The following MBD1 variants were observed in gnomAD, a reference collection of about 807,000 sequenced individuals.
MBD1 encodes methyl-CpG-binding domain protein 1.
Under a neutral mutation model 82.6 loss-of-function variants are expected in MBD1, and 25 were observed. The observed-to-expected ratio is 0.30, with a 90% CI of 0.22 to 0.42. The LOEUF (loss-of-function observed/expected upper bound fraction) is 0.42. MBD1 is among the 10% of genes least tolerant of loss of function. The probability of loss-of-function intolerance (pLI) is 1.00; values close to 1 mark genes in which losing one functional copy is unlikely to be tolerated. For synonymous variants in MBD1, 301 were observed against 303.7 expected (o/e 0.99, Z 0.09); for missense variants, 627 against 819.6 (o/e 0.76, Z 2.87).
rs1261505801 is a variant in MBD1, at chr18:50,275,117, C to A, written c.909+12G>T. ...CAGGGTTGTGCCTTCCCTCCACCCA[C>A]TGGGGCCTCACCGGCTCTGTGGGCT... On this transcript the variant is annotated intron_variant, in intron 9 of 16. Transcript: ENST00000269468. 8 of 1,613,750 alleles carry A rather than the reference C, an allele frequency of 5.0e-6. No homozygotes were observed. Among genetic ancestry groups the A allele is most frequent in the Non-Finnish European group, 5.9e-6 (7 of 1,179,654 alleles).
intron 13 of MBD1, 116 bp downstream of exon 13, chr18:50,273,218 A>G (rs2036358747): frequency 1.7e-5 from 24 of 1,451,280 alleles, no homozygotes; most frequent in Middle Eastern, 2.3e-4. Context: ...ATTCTGCAGA[A>G]ACGTCGCAAT....
rs1281948381 is a variant in MBD1, at chr18:50,278,316, A to G, written c.111-1112T>C. On this transcript the variant is annotated intron_variant, in intron 2 of 16. Coordinates refer to ENST00000269468, the MANE Select transcript of MBD1 (RefSeq NM_015846.4). Reference sequence around the variant, plus strand: ...ACTGTAGGTAACTAAAGCTGTGGAAAATGAAATTGCAGATAAGGGGGAGAC... The same window carrying G: ...ACTGTAGGTAACTAAAGCTGTGGAAGATGAAATTGCAGATAAGGGGGAGAC... 2.0e-5 allele frequency among the ~76,000 whole-genome samples: 3 copies of G among 152,210 alleles called. No individual in the cohort carries two copies. The East Asian group carries it at 5.8e-4, about 29-fold the overall frequency.
chr18:50,273,201 CG>C, intron 13 of MBD1, 132 bp downstream of exon 13: 1 of 1,360,550 alleles, frequency 7.3e-7, no homozygotes, highest in Non-Finnish European at 1.0e-6. Flanking sequence ...GTTAGACAGG[CG>C]GGGTAATTCT....
At chr18:50,271,032 A>G in intron 16 of MBD1, 1 of 1,013,008 alleles carries the variant, frequency 9.9e-7, no homozygotes, top group Non-Finnish European at 1.2e-6. Context: ...CCACAGAGGA[A>G]CACACCAAAT....
rs1031221970 is a variant in MBD1 at position 50,279,977 on chromosome 18, G to A, written c.16C>T (p.Leu6=). Residue 6 remains leucine (L), a synonymous_variant, in exon 2 of 17, where the codon CTG becomes TTG. Transcript: ENST00000269468. ...CCAGGGCCCAGGGCCGGGCAGTCCA[G>A]CCAGTCCTCAGCCATGGAGGCCACA... The part of the protein sequence containing the change: MAEDW[L]DCPALGPGWK... The A allele has an allele frequency of 1.2e-6, 2 of 1,610,210 alleles. No individual in the cohort carries two copies. Among genetic ancestry groups the A allele is most frequent in the Admixed American group, 3.3e-5 (2 of 60,022 alleles).
chr18:50,278,530 T>C (rs2038960057), intron 2 of MBD1, among the ~76,000 whole-genome samples: 1 of 152,224 alleles, frequency 6.6e-6, no homozygotes, highest in Non-Finnish European at 1.5e-5. Flanking sequence ...TTTATACAAG[T>C]ACATAAATAT....
At chr18:50,268,643 G>A (rs867708199), downstream of MBD1, among the ~76,000 whole-genome samples, 1 of 152,246 alleles carries the variant, frequency 6.6e-6, no homozygotes, top group South Asian at 2.1e-4. Context: ...CCAGCAGGTT[G>A]AAGGTGTCCG....
downstream of MBD1, chr18:50,268,773 T>G: frequency 3.2e-6 from 1 of 316,274 alleles, no homozygotes; most frequent in South Asian, 1.3e-4. Context: ...TCCCACCCAC[T>G]ATCCCAGTTT....
At chr18:50,279,025 T>C (rs1395766664) in intron 2 of MBD1, among the ~76,000 whole-genome samples, 1 of 152,216 alleles carries the variant, frequency 6.6e-6, no homozygotes, top group Non-Finnish European at 1.5e-5. Flanking sequence ...ACTTAACAGG[T>C]ATTTTTAAAA....
intron 2 of MBD1, among the ~76,000 whole-genome samples, chr18:50,277,515 G>GTT (rs1329890256): frequency 3.3e-5 from 5 of 151,220 alleles, no homozygotes; most frequent in East Asian, 1.9e-4. Flanking sequence ...TTATATTTGT[G>GTT]TTATATATAT....
In MBD1 at chr18:50,279,825, A is replaced by C. The variant is rs528137535; in HGVS notation, c.110+58T>G. ...TCCATAAATTTAACCACACCATTTG[A>C]TTTTACCAGAATCAGGCTCTACCCC... On this transcript the variant is annotated intron_variant, in intron 2 of 16. Transcript: ENST00000269468. 11 of 1,610,598 alleles carry C rather than the reference A, an allele frequency of 6.8e-6. No homozygotes were observed. The African/African-American group carries it at 1.3e-4, about 20-fold the overall frequency.
Position 50,273,849 on chromosome 18 carries a change from G to A in MBD1, c.1161C>T (p.Pro387=), listed in dbSNP as rs148994088. ...CLQFAMKRLL[P]SVWSESEDGA... ...CATCCTCAGACTCTGACCAGACACT[G>A]GGCAGCAGCCGCTTCTATGGGGAAA... The change falls in exon 12 of 17, where the codon CCC becomes CCT. Residue 387 remains proline (P), a synonymous_variant. Coordinates refer to ENST00000269468, the MANE Select transcript of MBD1 (RefSeq NM_015846.4). The A allele has an allele frequency of 6.2e-7, 1 of 1,612,984 alleles. No homozygotes were observed. The highest frequency in any genetic ancestry group is 1.1e-5 in the South Asian group (1 of 91,086).
intron 16 of MBD1, chr18:50,271,133 G>A: frequency 1.7e-6 from 2 of 1,149,370 alleles, no homozygotes; most frequent in Non-Finnish European, 2.2e-6. Context: ...TCATCCAGAA[G>A]CCACTTACAA....
Position 50,272,936 on chromosome 18 carries a change from G to A in MBD1, c.1604C>T (p.Pro535Leu), listed in dbSNP as rs183403566. Residue 535 changes from proline (P) to leucine (L), a missense_variant, in exon 14 of 17, where the codon CCT becomes CTT. By Grantham distance (98) the Pro-to-Leu change is moderately conservative (BLOSUM62 -3). Around this residue, in one of 6 missense-constraint regions of MBD1, gnomAD observed 265 missense variants for 278.4 expected, o/e 0.95. Coordinates refer to ENST00000269468, the MANE Select transcript of MBD1 (RefSeq NM_015846.4). ...GTCAGGTGGCTCTTGCTTCACAGAAGGCAGGCCTGGGTCTACTGCCTGGGA... is the reference window on the plus strand; with the variant it reads ...GTCAGGTGGCTCTTGCTTCACAGAAAGCAGGCCTGGGTCTACTGCCTGGGA... ...CPSKAVDPGL[P>L]SVKQEPPDPE... 2.7e-5 allele frequency: 43 copies of A among 1,614,198 alleles called. No homozygotes were observed. The Admixed American group carries it at 5.0e-4, about 19-fold the overall frequency.
intron 8 of MBD1, 73 bp downstream of exon 8, chr18:50,275,527 C>G (rs1035667171): frequency 8.1e-6 from 13 of 1,611,994 alleles, no homozygotes; most frequent in Non-Finnish European, 1.7e-6. Flanking sequence ...TAGGCAAGGC[C>G]AGGTTGAAAG....
chr18:50,267,501 T>G (rs561689409), downstream of MBD1: 7 of 842,212 alleles, frequency 8.3e-6, no homozygotes, highest in Admixed American at 1.4e-4. Context: ...AGTCTGAGGG[T>G]CACAGTGGAC....
At chr18:50,272,386 G>GAA (rs1332934023) in intron 15 of MBD1, 3 of 463,586 alleles carry the variant, frequency 6.5e-6, no homozygotes, top group Non-Finnish European at 1.2e-5. Context: ...AATTCCTTAG[G>GAA]AAAATAGGGA....
chr18:50,281,614 G>A, upstream of MBD1: 2 of 453,916 alleles, frequency 4.4e-6, no homozygotes, highest in Non-Finnish European at 3.9e-6. Flanking sequence ...CCTTAATAGG[G>A]AGGCTCCCGC....
chr18:50,279,322 A>G (rs548037061), intron 2 of MBD1, among the ~76,000 whole-genome samples: 2 of 152,320 alleles, frequency 1.3e-5, no homozygotes, highest in South Asian at 4.1e-4. Context: ...TTGTGCACAT[A>G]TTGGCAAATT....
Sources: gnomAD v4.1 joint callset for allele counts (sites outside exome capture counted in the v4.1 genomes callset) on GRCh38, gnomAD v4.1.1 for gene constraint, gnomAD v4.1.1 regional missense constraint, MANE v1.5 for transcripts, NCBI Gene and HGNC (gene_info 2026-07-23, HGNC 2026-07-21) for gene names.